The following KITLG variants were observed in gnomAD, a reference collection of about 807,000 sequenced individuals.
KITLG encodes KIT ligand.
A neutral mutation model predicts 34.1 loss-of-function variants in KITLG; 13 were observed. The ratio of observed to expected loss-of-function variants is 0.38; its 90% CI spans 0.25 to 0.61. The LOEUF is 0.61. Ranked by LOEUF, KITLG falls within the 20% of genes least tolerant of loss-of-function variation. The pLI, the probability that KITLG is intolerant of heterozygous loss-of-function variation, is 0.60. For synonymous variants in KITLG, 110 were observed against 104.0 expected, an observed-to-expected ratio of 1.06 and a Z score of -0.35; for missense variants, 292 against 318.9, an observed-to-expected ratio of 0.92 and a Z score of 0.64.
intron 1 of KITLG, among the ~76,000 whole-genome samples, chr12:88,557,137 G>A (rs564243244): frequency 6.6e-6 from 1 of 152,222 alleles, no homozygotes; most frequent in African/African-American, 2.4e-5. Flanking sequence ...GAAAGAGTGG[G>A]ACTAAAATAA....
chr12:88,502,613 A>G (rs1386556299), intron 9 of KITLG, among the ~76,000 whole-genome samples: 1 of 152,214 alleles, frequency 6.6e-6, no homozygotes, highest in Non-Finnish European at 1.5e-5. Context: ...ACACATTCAT[A>G]AGTTGTTTGA....
chr12:88,573,258 A>G (rs1871716151), intron 1 of KITLG, among the ~76,000 whole-genome samples: 1 of 152,182 alleles, frequency 6.6e-6, no homozygotes, highest in Admixed American at 6.5e-5. Flanking sequence ...CAGGAGGGTG[A>G]CAAGGCCTTT....
intron 3 of KITLG, among the ~76,000 whole-genome samples, chr12:88,527,755 G>A (rs1248713250): frequency 1.3e-5 from 2 of 152,220 alleles, no homozygotes; most frequent in East Asian, 1.9e-4. Context: ...GACTCTGTGT[G>A]CCTCTGGATG....
At chr12:88,552,350 C>G (rs916656973) in intron 1 of KITLG, among the ~76,000 whole-genome samples, 12 of 141,700 alleles carry the variant, frequency 8.5e-5, no homozygotes, top group African/African-American at 1.3e-4. Flanking sequence ...TTTTTCTTTT[C>G]TTTTTTTTTT....
intron 1 of KITLG, among the ~76,000 whole-genome samples, chr12:88,569,238 CAT>C (rs1871561733): frequency 6.6e-6 from 1 of 152,164 alleles, no homozygotes; most frequent in African/African-American, 2.4e-5. Context: ...ATCTTGGGCA[CAT>C]GATAGAAAGA....
intron 1 of KITLG, among the ~76,000 whole-genome samples, chr12:88,567,667 A>C (rs1871489609): frequency 6.6e-6 from 1 of 152,230 alleles, no homozygotes; most frequent in African/African-American, 2.4e-5. Flanking sequence ...AAAAAAATAA[A>C]AACAACAAAC....
chr12:88,562,794 T>C (rs1046739287), intron 1 of KITLG, among the ~76,000 whole-genome samples: 8 of 152,192 alleles, frequency 5.3e-5, no homozygotes, highest in Admixed American at 2.0e-4. Context: ...TAGACAATTT[T>C]AATGAATGAA....
chr12:88,513,433 A>G (rs1216132097), intron 6 of KITLG, among the ~76,000 whole-genome samples: 1 of 151,826 alleles, frequency 6.6e-6, no homozygotes, highest in African/African-American at 2.4e-5. Context: ...AACTATACCA[A>G]TGATTTATTA....
intron 3 of KITLG, among the ~76,000 whole-genome samples, chr12:88,521,376 T>A (rs947817182): frequency 6.6e-6 from 1 of 152,126 alleles, no homozygotes; most frequent in Non-Finnish European, 1.5e-5. Context: ...AAGTATTTCA[T>A]TTGTGAGGTG....
chr12:88,494,024 A>G lies in KITLG; in HGVS notation c.*3195T>C, dbSNP rs1374879784. On this transcript the variant is annotated 3_prime_UTR_variant, in exon 10 of 10. Transcript: ENST00000644744. ...GGATATTTTGTATGGGTTAGTTTCA[A>G]TGCTATTTTGTCTTCTTTGTCGGTC... 1 of 151,876 alleles carries G rather than the reference A, an allele frequency of 6.6e-6. No homozygotes were observed. The highest frequency in any genetic ancestry group is 2.4e-5 in the African/African-American group (1 of 41,426). The allele number at this position is 151,876 out of a possible 1,614,324, so 9.4% of individuals were successfully genotyped here.
At chr12:88,569,868 G>C (rs1178610705) in intron 1 of KITLG, among the ~76,000 whole-genome samples, 2 of 152,014 alleles carry the variant, frequency 1.3e-5, no homozygotes, top group African/African-American at 4.8e-5. Flanking sequence ...AAAATCTTGC[G>C]ATATTAATGC....
At chr12:88,542,699 T>C (rs1488993823) in intron 2 of KITLG, among the ~76,000 whole-genome samples, 1 of 152,088 alleles carries the variant, frequency 6.6e-6, no homozygotes, top group Non-Finnish European at 1.5e-5. Context: ...CTGATACTTC[T>C]ACATAAATAA....
intron 3 of KITLG, among the ~76,000 whole-genome samples, chr12:88,527,527 TAA>T (rs1179533758): frequency 6.6e-6 from 1 of 152,206 alleles, no homozygotes; most frequent in African/African-American, 2.4e-5. Context: ...GCTGTGCCTT[TAA>T]AAAGTCTGAA....
At chr12:88,523,603 G>T (rs1294794595) in intron 3 of KITLG, among the ~76,000 whole-genome samples, 1 of 152,172 alleles carries the variant, frequency 6.6e-6, no homozygotes, top group Admixed American at 6.5e-5. Flanking sequence ...ATTGCCATTT[G>T]TGGACTTTAT....
rs184518511 is a variant in KITLG at position 88,492,911 on chromosome 12, T to A, written c.*4308A>T. ...ATACACCTATTTTAAAAAGTACACA[T>A]ACAGTATATACACATACACATCACA... On this transcript the variant is annotated 3_prime_UTR_variant, in exon 10 of 10. Coordinates refer to ENST00000644744, the MANE Select transcript of KITLG (RefSeq NM_000899.5). The A allele has an allele frequency of 6.6e-6, 1 of 152,350 alleles. No individual in the cohort carries two copies. Among genetic ancestry groups the A allele is most frequent in the Non-Finnish European group, 1.5e-5 (1 of 67,900 alleles). 9.4% of individuals were successfully genotyped at this position (152,350 alleles called of 1,614,324 possible). A position where few individuals can be genotyped will look rare whatever the true frequency, so the allele number is the denominator to read the frequency against.
Position 88,579,525 on chromosome 12 carries a change from C to T in KITLG, c.15+739G>A, listed in dbSNP as rs143314269. ...TACCCACAGTGCTTTATGTATAATG[C>T]AGAATTTAGCAGCACTGGGAATTAT... On this transcript the variant is annotated intron_variant, in intron 1 of 9. Coordinates refer to ENST00000644744, the MANE Select transcript of KITLG (RefSeq NM_000899.5). 5.3e-3 allele frequency among the ~76,000 whole-genome samples: 801 copies of T among 152,288 alleles called. 5 individuals carry two copies. Among genetic ancestry groups the T allele is most frequent in the African/African-American group, 0.017 (697 of 41,564 alleles).
intron 8 of KITLG, 116 bp downstream of exon 8, chr12:88,506,195 G>T: frequency 2.6e-6 from 2 of 765,160 alleles, no homozygotes; most frequent in Non-Finnish European, 2.4e-6. Context: ...GGGACTCACT[G>T]GTTAGGAGCT....
At chr12:88,521,473 T>C (rs1316884698) in intron 3 of KITLG, among the ~76,000 whole-genome samples, 2 of 152,154 alleles carry the variant, frequency 1.3e-5, no homozygotes, top group Non-Finnish European at 2.9e-5. Context: ...AAACGTACTT[T>C]TTGTTTGCCT....
intron 1 of KITLG, 175 bp downstream of exon 1, chr12:88,580,089 C>T (rs1178533710): frequency 2.9e-6 from 2 of 686,194 alleles, no homozygotes; most frequent in Non-Finnish European, 5.2e-6. Flanking sequence ...CCTGGCTCAC[C>T]CGGCTCGGCT....
Sources: gnomAD v4.1 joint callset for allele counts (sites outside exome capture counted in the v4.1 genomes callset) on GRCh38, gnomAD v4.1.1 for gene constraint, MANE v1.5 for transcripts, NCBI Gene and HGNC (gene_info 2026-07-23, HGNC 2026-07-21) for gene names.